The following TMEM132B variants were observed in gnomAD, a reference collection of about 807,000 sequenced individuals.
The protein encoded by TMEM132B is transmembrane protein 132B.
In TMEM132B, 18 loss-of-function variants were observed where a neutral mutation model predicts 90.8. The observed-to-expected ratio is 0.20, with a 90% CI of 0.14 to 0.29. The LOEUF (loss-of-function observed/expected upper bound fraction) is 0.29. Among genes scored for constraint, TMEM132B ranks in the 10% least tolerant of loss-of-function variants. TMEM132B has a pLI of 1.00. For synonymous variants in TMEM132B, 504 were observed against 523.3 expected (o/e 0.96, Z 0.50); for missense variants, 1,096 against 1,326.8 (o/e 0.83, Z 2.70).
chr12:125,603,055 C>T (rs1885608671), intron 5 of TMEM132B, among the ~76,000 whole-genome samples: 2 of 152,196 alleles, frequency 1.3e-5, no homozygotes, highest in Non-Finnish European at 2.9e-5. Flanking sequence ...CGATTTAATT[C>T]TATTTGCATC....
chr12:125,420,079 G>A (rs1880127436), intron 3 of TMEM132B, among the ~76,000 whole-genome samples: 1 of 152,208 alleles, frequency 6.6e-6, no homozygotes, highest in Admixed American at 6.5e-5. Flanking sequence ...ATGGGCTGGT[G>A]CTGAGTGTCT....
intron 1 of TMEM132B, among the ~76,000 whole-genome samples, chr12:125,312,223 T>G (rs1194678840): frequency 6.6e-6 from 1 of 152,230 alleles, no homozygotes; most frequent in African/African-American, 2.4e-5. Context: ...TTTAGTATAT[T>G]TGATGGGTTT....
At chr12:125,519,793 T>A (rs1306786766) in intron 4 of TMEM132B, among the ~76,000 whole-genome samples, 168 bp downstream of exon 4, 2 of 152,260 alleles carry the variant, frequency 1.3e-5, no homozygotes, top group Non-Finnish European at 2.9e-5. Flanking sequence ...CCTTGGGAAC[T>A]ATTTAAGGTC....
intron 1 of TMEM132B, among the ~76,000 whole-genome samples, chr12:125,280,524 C>T (rs573325146): frequency 4.0e-4 from 61 of 152,326 alleles, no homozygotes; most frequent in African/African-American, 1.4e-3. Context: ...GAGTGTCCAT[C>T]GCACCTGGCC....
At chr12:125,421,532 C>T (rs1566031053) in intron 3 of TMEM132B, among the ~76,000 whole-genome samples, 1 of 152,302 alleles carries the variant, frequency 6.6e-6, no homozygotes, top group East Asian at 1.9e-4. Context: ...CCCACTGGGT[C>T]CCTCTCACAA....
intron 2 of TMEM132B, among the ~76,000 whole-genome samples, chr12:125,368,485 C>T (rs1878197719): frequency 6.6e-6 from 1 of 152,180 alleles, no homozygotes. Flanking sequence ...GTACACATTC[C>T]ACCCCTCATC....
At chr12:125,464,024 G>C (rs1881503475) in intron 3 of TMEM132B, among the ~76,000 whole-genome samples, 1 of 152,108 alleles carries the variant, frequency 6.6e-6, no homozygotes, top group African/African-American at 2.4e-5. Context: ...CAGCATGGGA[G>C]AAACCACCCC....
At chr12:125,300,354 C>T (rs1364805097) in intron 1 of TMEM132B, among the ~76,000 whole-genome samples, 1 of 152,088 alleles carries the variant, frequency 6.6e-6, no homozygotes, top group East Asian at 1.9e-4. Flanking sequence ...TCTTTATATC[C>T]CTTGTTACAG....
At chr12:125,473,321 G>C (rs1049313221) in intron 3 of TMEM132B, among the ~76,000 whole-genome samples, 1 of 151,998 alleles carries the variant, frequency 6.6e-6, no homozygotes, top group African/African-American at 2.4e-5. Flanking sequence ...TTTTTCCCAA[G>C]TATCTTCTTA....
intron 3 of TMEM132B, among the ~76,000 whole-genome samples, chr12:125,494,560 C>T (rs1442595960): frequency 7.4e-6 from 1 of 135,256 alleles, no homozygotes; most frequent in African/African-American, 2.8e-5. Context: ...CCCTCTCCTC[C>T]CTGGAAGAAA....
intron 2 of TMEM132B, among the ~76,000 whole-genome samples, chr12:125,352,424 C>G (rs1846645): frequency 6.6e-6 from 1 of 152,168 alleles, no homozygotes; most frequent in Non-Finnish European, 1.5e-5. Flanking sequence ...CCTAATTTTG[C>G]TCACAAAAAT....
intron 4 of TMEM132B, among the ~76,000 whole-genome samples, chr12:125,522,859 T>C (rs767282236): frequency 9.2e-5 from 14 of 152,130 alleles, no homozygotes; most frequent in East Asian, 1.9e-4. Context: ...ATCGTGCCCA[T>C]TGGAAAAGCA....
chr12:125,387,846 AT>A (rs1394077206), intron 2 of TMEM132B, among the ~76,000 whole-genome samples: 1 of 152,220 alleles, frequency 6.6e-6, no homozygotes, highest in Non-Finnish European at 1.5e-5. Flanking sequence ...AATGTAAAGA[AT>A]TCTGGATACT....
intron 1 of TMEM132B, among the ~76,000 whole-genome samples, chr12:125,235,119 G>T (rs988257871): frequency 2.0e-5 from 3 of 152,132 alleles, no homozygotes; most frequent in African/African-American, 7.2e-5. Flanking sequence ...TGGTGGTCAT[G>T]GTGGACTCTG....
At chr12:125,551,586 T>C (rs988370111) in intron 4 of TMEM132B, among the ~76,000 whole-genome samples, 2 of 146,238 alleles carry the variant, frequency 1.4e-5, no homozygotes, top group Non-Finnish European at 3.0e-5. Flanking sequence ...TCTCCACATC[T>C]ATCTTTTTTT....
chr12:125,439,131 T>A (rs1880788598), intron 3 of TMEM132B, among the ~76,000 whole-genome samples: 1 of 150,084 alleles, frequency 6.7e-6, no homozygotes, highest in Non-Finnish European at 1.5e-5. Flanking sequence ...TTGGATTGTC[T>A]TGGCTGTTCA....
At chr12:125,589,345 A>G (rs1054226553) in intron 5 of TMEM132B, among the ~76,000 whole-genome samples, 10 of 151,762 alleles carry the variant, frequency 6.6e-5, no homozygotes, top group Non-Finnish European at 8.8e-5. Flanking sequence ...AGCCGGGCGT[A>G]GTGGCGGGGG....
intron 3 of TMEM132B, among the ~76,000 whole-genome samples, chr12:125,447,525 T>C (rs1286070032): frequency 6.6e-6 from 1 of 152,186 alleles, no homozygotes; most frequent in Non-Finnish European, 1.5e-5. Context: ...AATATTCTTT[T>C]TCTATAAATG....
chr12:125,200,969 G>C (rs1186642309), intron 1 of TMEM132B, among the ~76,000 whole-genome samples: 6 of 152,202 alleles, frequency 3.9e-5, no homozygotes, highest in Non-Finnish European at 7.4e-5. Context: ...CACCGTCTAA[G>C]TTCTCTGGTC....
Sources: gnomAD v4.1 joint callset for allele counts (sites outside exome capture counted in the v4.1 genomes callset) on GRCh38, gnomAD v4.1.1 for gene constraint, MANE v1.5 for transcripts, NCBI Gene and HGNC (gene_info 2026-07-23, HGNC 2026-07-21) for gene names.